Variants in KCNB2 observed in about 807,000 individuals in gnomAD.
KCNB2 encodes delayed rectifier potassium channel protein.
A neutral mutation model predicts 61.5 loss-of-function variants in KCNB2; 15 were observed. The observed-to-expected ratio is 0.24, with a 90% CI of 0.16 to 0.38. The LOEUF (loss-of-function observed/expected upper bound fraction) is 0.38, where lower values mean the gene tolerates loss of function less well. Ranked by LOEUF, KCNB2 falls within the 10% of genes least tolerant of loss-of-function variation. KCNB2 has a pLI of 1.00. For synonymous variants in KCNB2, 457 were observed against 446.0 expected, an observed-to-expected ratio of 1.02 and a Z score of -0.31; for missense variants, 828 against 1,125.2, an observed-to-expected ratio of 0.74 and a Z score of 3.78.
At chr8:72,600,823 A>C (rs1805337025) in intron 2 of KCNB2, among the ~76,000 whole-genome samples, 1 of 152,006 alleles carries the variant, frequency 6.6e-6, no homozygotes, top group South Asian at 2.1e-4. Flanking sequence ...AACAACAAAT[A>C]CTAGGGCCTA....
intron 2 of KCNB2, among the ~76,000 whole-genome samples, chr8:72,933,368 A>C (rs1042915005): frequency 2.0e-5 from 3 of 152,248 alleles, no homozygotes; most frequent in African/African-American, 7.2e-5. Context: ...ATCCTTTGCC[A>C]AAAGGTGGAA....
intron 2 of KCNB2, among the ~76,000 whole-genome samples, chr8:72,695,051 T>C (rs1806997428): frequency 6.6e-6 from 1 of 152,124 alleles, no homozygotes. Context: ...CATCATTATA[T>C]GCCTGTATTC....
chr8:72,574,697 A>G (rs1392715685), intron 2 of KCNB2, among the ~76,000 whole-genome samples: 1 of 152,134 alleles, frequency 6.6e-6, no homozygotes, highest in Non-Finnish European at 1.5e-5. Context: ...ATTAATTATC[A>G]TTTTCAACGT....
At chr8:72,831,655 G>T (rs1209895042) in intron 2 of KCNB2, among the ~76,000 whole-genome samples, 4 of 152,184 alleles carry the variant, frequency 2.6e-5, no homozygotes. Flanking sequence ...ATAAAACATT[G>T]CAAATATGTT....
At chr8:72,542,148 T>C (rs1315349944) in intron 1 of KCNB2, among the ~76,000 whole-genome samples, 1 of 152,134 alleles carries the variant, frequency 6.6e-6, no homozygotes, top group East Asian at 1.9e-4. Flanking sequence ...TGAAGAAAAG[T>C]TTTTTCTAAA....
chr8:72,561,759 ATG>A (rs1806531139), intron 1 of KCNB2, among the ~76,000 whole-genome samples: 1 of 21,296 alleles, frequency 4.7e-5, no homozygotes, highest in African/African-American at 4.7e-4. Context: ...ATATATATAT[ATG>A]GATATATATA....
At chr8:72,633,932 G>C (rs1805922904) in intron 2 of KCNB2, among the ~76,000 whole-genome samples, 1 of 152,092 alleles carries the variant, frequency 6.6e-6, no homozygotes, top group Non-Finnish European at 1.5e-5. Flanking sequence ...TGTGCATCTT[G>C]GTTGCCCATC....
At chr8:72,719,787 A>G (rs1005380409) in intron 2 of KCNB2, among the ~76,000 whole-genome samples, 4 of 152,160 alleles carry the variant, frequency 2.6e-5, no homozygotes, top group Non-Finnish European at 2.9e-5. Flanking sequence ...AAACAAAACA[A>G]AAGAATGAAA....
At chr8:72,916,367 C>T (rs1348417696) in intron 2 of KCNB2, among the ~76,000 whole-genome samples, 1 of 152,132 alleles carries the variant, frequency 6.6e-6, no homozygotes, top group Non-Finnish European at 1.5e-5. Context: ...GGAGCAGACT[C>T]CACTTGCTTG....
intron 1 of KCNB2, among the ~76,000 whole-genome samples, chr8:72,566,289 G>C (rs549783113): frequency 1.3e-5 from 2 of 152,310 alleles, no homozygotes; most frequent in African/African-American, 4.8e-5. Flanking sequence ...AGAGTTTAAA[G>C]CATGTGAGTG....
At chr8:72,610,254 G>C (rs1312536525) in intron 2 of KCNB2, among the ~76,000 whole-genome samples, 1 of 152,040 alleles carries the variant, frequency 6.6e-6, no homozygotes, top group Non-Finnish European at 1.5e-5. Flanking sequence ...CAGCATGAAG[G>C]GTTTAGCATT....
intron 2 of KCNB2, among the ~76,000 whole-genome samples, chr8:72,598,758 A>G (rs1480292476): frequency 2.6e-5 from 4 of 152,192 alleles, no homozygotes; most frequent in African/African-American, 7.2e-5. Flanking sequence ...CAAAGTCTTA[A>G]GATACAAAAT....
intron 2 of KCNB2, among the ~76,000 whole-genome samples, chr8:72,857,674 G>A (rs1316176532): frequency 6.6e-6 from 1 of 151,882 alleles, no homozygotes; most frequent in Admixed American, 6.6e-5. Flanking sequence ...GAAGAATGAA[G>A]AGTCAGAAAA....
chr8:72,789,913 A>G (rs915748495), intron 2 of KCNB2, among the ~76,000 whole-genome samples: 1 of 152,078 alleles, frequency 6.6e-6, no homozygotes, highest in African/African-American at 2.4e-5. Flanking sequence ...TATACTTAAG[A>G]AAGAGATTTG....
chr8:72,726,455 C>A (rs561846373), intron 2 of KCNB2, among the ~76,000 whole-genome samples: 1 of 152,148 alleles, frequency 6.6e-6, no homozygotes, highest in Non-Finnish European at 1.5e-5. Flanking sequence ...TAAATACATA[C>A]ATAGATGATT....
At position 72,718,217 on chromosome 8, in the gene KCNB2, GA is replaced by G. The variant is rs543231713; in HGVS notation, c.579+149905del. Among the ~76,000 whole-genome samples, 709 of 152,276 alleles carry G rather than the reference GA, an allele frequency of 4.7e-3. 7 individuals are homozygous for G. The highest frequency in any genetic ancestry group is 0.016 in the African/African-American group (677 of 41,536). On this transcript the variant is annotated intron_variant, in intron 2 of 2. Transcript: ENST00000523207. ...AGGAACACTTTTACACTGTTGGTGG[GA>G]CTGTAAACTAGTTCAACTATTGTGG...
At chr8:72,639,764 G>A (rs1806024555) in intron 2 of KCNB2, among the ~76,000 whole-genome samples, 1 of 151,986 alleles carries the variant, frequency 6.6e-6, no homozygotes, top group African/African-American at 2.4e-5. Context: ...AGTGAAACAC[G>A]ATTTCAAGGG....
intron 2 of KCNB2, among the ~76,000 whole-genome samples, chr8:72,915,688 G>T (rs563805259): frequency 6.6e-6 from 1 of 151,992 alleles, no homozygotes; most frequent in African/African-American, 2.4e-5. Context: ...GGGAGGCTGA[G>T]GCGGGCGGAT....
intron 2 of KCNB2, among the ~76,000 whole-genome samples, chr8:72,747,338 A>G (rs921864018): frequency 3.3e-5 from 5 of 152,154 alleles, no homozygotes; most frequent in African/African-American, 4.8e-5. Context: ...ATTAGGGCAG[A>G]TGGACAGTGA....
Sources: gnomAD v4.1 joint callset for allele counts (sites outside exome capture counted in the v4.1 genomes callset) on GRCh38, gnomAD v4.1.1 for gene constraint, MANE v1.5 for transcripts, NCBI Gene and HGNC (gene_info 2026-07-23, HGNC 2026-07-21) for gene names.